Variants in PTAFR observed in about 807,000 individuals in gnomAD.
The protein encoded by PTAFR is platelet-activating factor receptor.
Under a neutral mutation model 14.7 loss-of-function variants are expected in PTAFR, and 8 were observed. That is an observed-to-expected ratio of 0.54 (90% CI 0.32 to 0.98). The LOEUF (loss-of-function observed/expected upper bound fraction) is 0.98, where lower values mean the gene tolerates loss of function less well. Among genes scored for constraint, PTAFR ranks in the 50% least tolerant of loss-of-function variants. The pLI, the probability that PTAFR is intolerant of heterozygous loss-of-function variation, is 0.04. For synonymous variants in PTAFR, 156 were observed against 176.5 expected (o/e 0.88, Z 0.92); for missense variants, 337 against 451.2 (o/e 0.75, Z 2.29).
chr1:28,151,272 C>T (rs370667953), intron 1 of PTAFR, among the ~76,000 whole-genome samples: 4 of 152,014 alleles, frequency 2.6e-5, no homozygotes, highest in African/African-American at 9.6e-5. Context: ...CTCCGCCTCC[C>T]GGGTTCAAGC....
chr1:28,154,837 G>A (rs530132833), intron 1 of PTAFR, among the ~76,000 whole-genome samples: 2 of 150,600 alleles, frequency 1.3e-5, no homozygotes, highest in Non-Finnish European at 3.0e-5. Context: ...AAAAAGTGGG[G>A]GGGGAGGGAG....
chr1:28,175,219 G>C (rs1298475011), intron 1 of PTAFR, among the ~76,000 whole-genome samples: 1 of 152,008 alleles, frequency 6.6e-6, no homozygotes, highest in Non-Finnish European at 1.5e-5. Context: ...GCCCACAGAG[G>C]TCAGTATTTT....
At chr1:28,153,887 CAAAAAAAA>C (rs909732834) in intron 1 of PTAFR, among the ~76,000 whole-genome samples, 1 of 149,870 alleles carries the variant, frequency 6.7e-6, no homozygotes, top group Non-Finnish European at 1.5e-5. Flanking sequence ...GACTCTATCT[CAAAAAAAA>C]GAAAAAAAAT....
intron 1 of PTAFR, among the ~76,000 whole-genome samples, chr1:28,192,059 T>C (rs899544896): frequency 2.7e-5 from 4 of 150,590 alleles, no homozygotes; most frequent in Admixed American, 1.3e-4. Context: ...GATGACAGAG[T>C]GAGATTGTGT....
chr1:28,189,045 C>G (rs917441632), intron 1 of PTAFR, among the ~76,000 whole-genome samples: 26 of 152,354 alleles, frequency 1.7e-4, no homozygotes, highest in Admixed American at 1.5e-3. Flanking sequence ...GCGATGGAAA[C>G]TCTCATTACC....
chr1:28,151,073 C>A lies in PTAFR; in HGVS notation c.-38-14G>T. The A allele has an allele frequency of 4.1e-6, 6 of 1,446,818 alleles. No homozygotes were observed. In the South Asian group the frequency reaches 8.2e-5, roughly 20 times the overall value. The allele number at this position is 1,446,818 out of a possible 1,614,324, so 89.6% of individuals were successfully genotyped here. A position where few individuals can be genotyped will look rare whatever the true frequency, so the allele number is the denominator to read the frequency against. On this transcript the variant is annotated splice_polypyrimidine_tract_variant and intron_variant, in intron 1 of 1. Transcript: ENST00000373857. ...TCCTGGTGGTGCCTGGAAGACCACA[C>A]AAAAATTCTGGTTAATAAAGGGACA... is the stretch of plus-strand genomic sequence containing the variant.
chr1:28,180,386 T>C (rs1646552558), upstream of PTAFR, among the ~76,000 whole-genome samples: 1 of 151,868 alleles, frequency 6.6e-6, no homozygotes, highest in Non-Finnish European at 1.5e-5. Flanking sequence ...TCTCAAAATA[T>C]ATATATATAA....
Position 28,149,325 on chromosome 1 carries a change from CTTTTTTTTTTTTT to C in PTAFR, c.*655_*667del, listed in dbSNP as rs34668678. On this transcript the variant is annotated 3_prime_UTR_variant, in exon 2 of 2. Transcript: ENST00000373857. ...ATCACTTGAGAGTAGTTGCCCAAAGCTTTTTTTTTTTTTTTTTTTTTTTTTTTGAGATGGAATC... is the reference window on the plus strand; with the variant it reads ...ATCACTTGAGAGTAGTTGCCCAAAGCTTTTTTTTTTTTTTGAGATGGAATC... 8 of 69,554 alleles carry C rather than the reference CTTTTTTTTTTTTT, an allele frequency of 1.2e-4. No homozygotes were observed. Among genetic ancestry groups the C allele is most frequent in the African/African-American group, 4.0e-4 (6 of 14,952 alleles). 4.3% of individuals were successfully genotyped at this position (69,554 alleles called of 1,614,324 possible).
At chr1:28,172,863 C>T (rs1005966543) in intron 1 of PTAFR, among the ~76,000 whole-genome samples, 20 of 151,580 alleles carry the variant, frequency 1.3e-4, no homozygotes, top group African/African-American at 4.4e-4. Flanking sequence ...GCCTGTGCCT[C>T]GCTTATCTCA....
chr1:28,186,342 A>T (rs1646606321), intron 1 of PTAFR, among the ~76,000 whole-genome samples: 1 of 152,218 alleles, frequency 6.6e-6, no homozygotes, highest in Non-Finnish European at 1.5e-5. Flanking sequence ...AAAAAAAACA[A>T]GAATTAAATA....
At chr1:28,185,727 G>A (rs546947495) in intron 1 of PTAFR, among the ~76,000 whole-genome samples, 1 of 152,270 alleles carries the variant, frequency 6.6e-6, no homozygotes, top group South Asian at 2.1e-4. Context: ...GATTGGGAAG[G>A]AAAAGCAAAA....
intron 1 of PTAFR, among the ~76,000 whole-genome samples, chr1:28,154,656 C>G (rs559632298): frequency 6.6e-6 from 1 of 151,594 alleles, no homozygotes; most frequent in East Asian, 1.9e-4. Flanking sequence ...TACTAAAATA[C>G]AAAAAATTAG....
Position 28,148,652 on chromosome 1 carries a change from CG to C in PTAFR, c.*1340del, listed in dbSNP as rs1557682362. The C allele has an allele frequency of 6.6e-6, 1 of 152,324 alleles. No homozygotes were observed. Among genetic ancestry groups the C allele is most frequent in the African/African-American group, 2.4e-5 (1 of 41,426 alleles). The allele number at this position is 152,324 out of a possible 1,614,324, so 9.4% of individuals were successfully genotyped here. A position where few individuals can be genotyped will look rare whatever the true frequency, so the allele number is the denominator to read the frequency against. Reference sequence around the variant, plus strand: ...AATTTTTTTGTATTTTTAGTAGAGACGGGGTTTTACCATATTGGTCAGGCTG... The same window carrying C: ...AATTTTTTTGTATTTTTAGTAGAGACGGGTTTTACCATATTGGTCAGGCTG... On this transcript the variant is annotated 3_prime_UTR_variant, in exon 2 of 2. Coordinates refer to ENST00000373857, the MANE Select transcript of PTAFR (RefSeq NM_000952.5).
chr1:28,187,313 G>A (rs1293410612), intron 1 of PTAFR, among the ~76,000 whole-genome samples: 1 of 152,056 alleles, frequency 6.6e-6, no homozygotes, highest in Non-Finnish European at 1.5e-5. Context: ...ATCAATAAGA[G>A]TAGATATTAG....
chr1:28,179,676 A>C (rs1009739017), upstream of PTAFR, among the ~76,000 whole-genome samples: 1 of 152,082 alleles, frequency 6.6e-6, no homozygotes, highest in Non-Finnish European at 1.5e-5. Flanking sequence ...AATTAAAAAA[A>C]GAGCCAGGCA....
At chr1:28,188,603 C>G (rs1312994785) in intron 1 of PTAFR, among the ~76,000 whole-genome samples, 1 of 151,966 alleles carries the variant, frequency 6.6e-6, no homozygotes, top group African/African-American at 2.4e-5. Flanking sequence ...AGCTGGGTGA[C>G]AGGCCCCTAT....
chr1:28,169,493 A>G (rs1409781893), intron 1 of PTAFR, among the ~76,000 whole-genome samples: 1 of 152,210 alleles, frequency 6.6e-6, no homozygotes, highest in Non-Finnish European at 1.5e-5. Flanking sequence ...CAGTATTTAG[A>G]GAACAGTGGT....
At chr1:28,168,558 C>A (rs1470224835) in intron 1 of PTAFR, among the ~76,000 whole-genome samples, 3 of 152,118 alleles carry the variant, frequency 2.0e-5, no homozygotes, top group Non-Finnish European at 4.4e-5. Context: ...TTAAAGTAAT[C>A]AAACGCATAG....
rs1187384906 is a variant in PTAFR at position 28,148,824 on chromosome 1, TG to T, written c.*1168del. The T allele has an allele frequency of 6.6e-6, 1 of 152,366 alleles. No individual in the cohort carries two copies. The highest frequency in any genetic ancestry group is 1.5e-5 in the Non-Finnish European group (1 of 68,148). The allele number at this position is 152,366 out of a possible 1,614,324, so 9.4% of individuals were successfully genotyped here. A position where few individuals can be genotyped will look rare whatever the true frequency, so the allele number is the denominator to read the frequency against. ...CTGGTCTCGAACTCCGGACCTCAGG[TG>T]ATCTGCCTGCCTTGGCCTCCCAAAG... On this transcript the variant is annotated 3_prime_UTR_variant, in exon 2 of 2. Coordinates refer to ENST00000373857, the MANE Select transcript of PTAFR (RefSeq NM_000952.5).
Sources: gnomAD v4.1 joint callset for allele counts (sites outside exome capture counted in the v4.1 genomes callset) on GRCh38, gnomAD v4.1.1 for gene constraint, MANE v1.5 for transcripts, NCBI Gene and HGNC (gene_info 2026-07-23, HGNC 2026-07-21) for gene names.